PDE4D: variants seen among roughly 807,000 people sequenced by gnomAD.
PDE4D encodes the protein 3',5'-cyclic-AMP phosphodiesterase 4D.
PDE4D carries 24 observed loss-of-function variants against 87.4 expected under a neutral mutation model. The ratio of observed to expected loss-of-function variants is 0.27; its 90% CI spans 0.20 to 0.39. PDE4D has a LOEUF of 0.39. Ranked by LOEUF, PDE4D falls within the 10% of genes least tolerant of loss-of-function variation. PDE4D has a pLI of 1.00. For synonymous variants in PDE4D, 384 were observed against 383.2 expected, an observed-to-expected ratio of 1.00 and a Z score of -0.02; for missense variants, 714 against 1,041.0, an observed-to-expected ratio of 0.69 and a Z score of 4.32.
At chr5:59,135,455 T>TA (rs1776913652) in intron 5 of PDE4D, among the ~76,000 whole-genome samples, 1 of 152,232 alleles carries the variant, frequency 6.6e-6, no homozygotes, top group Non-Finnish European at 1.5e-5. Context: ...TTCTTTTTCT[T>TA]ACCACTCCAG....
intron 1 of PDE4D, among the ~76,000 whole-genome samples, chr5:60,504,703 T>C (rs1389153762): frequency 6.6e-6 from 1 of 152,234 alleles, no homozygotes; most frequent in Admixed American, 6.5e-5. Flanking sequence ...ATCTTCTTTT[T>C]AAAATGTATT....
At chr5:60,213,609 C>T (rs879671413) in intron 1 of PDE4D, among the ~76,000 whole-genome samples, 8 of 152,170 alleles carry the variant, frequency 5.3e-5, no homozygotes, top group East Asian at 1.9e-4. Flanking sequence ...TCTCTTCCCC[C>T]GTTGACAACA....
chr5:59,671,064 T>A (rs1163648818), intron 1 of PDE4D, among the ~76,000 whole-genome samples: 1 of 152,102 alleles, frequency 6.6e-6, no homozygotes, highest in African/African-American at 2.4e-5. Context: ...ATAGGTAGAG[T>A]AGAATGAGAT....
intron 1 of PDE4D, among the ~76,000 whole-genome samples, chr5:59,619,913 T>C (rs1218553901): frequency 1.3e-5 from 2 of 152,154 alleles, no homozygotes; most frequent in Non-Finnish European, 2.9e-5. Context: ...CCCATGAAAA[T>C]TTGCTTTAGC....
chr5:58,990,907 A>T lies in PDE4D; in HGVS notation c.1189-5T>A. 7.2e-7 allele frequency: 1 copy of T among 1,398,024 alleles called. No homozygotes were observed. Among genetic ancestry groups the T allele is most frequent in the South Asian group, 1.3e-5 (1 of 77,436 alleles). 86.6% of individuals were successfully genotyped at this position (1,398,024 alleles called of 1,614,324 possible). A position where few individuals can be genotyped will look rare whatever the true frequency, so the allele number is the denominator to read the frequency against. ...TTTGTTCACATCTTCTAGTTCCTGG[A>T]GTGAAAAAAAAAAAAAGATACTAAA... On this transcript the variant is annotated splice_polypyrimidine_tract_variant and splice_region_variant and intron_variant, in intron 8 of 14. Transcript: ENST00000340635.
intron 1 of PDE4D, chr5:60,460,171 C>T: frequency 1.9e-6 from 3 of 1,577,748 alleles, no homozygotes; most frequent in South Asian, 1.1e-5. Context: ...TTGACTTGAA[C>T]ATTTCATCAA....
intron 3 of PDE4D, among the ~76,000 whole-genome samples, chr5:59,944,137 T>G (rs542621084): frequency 6.6e-6 from 1 of 152,370 alleles, no homozygotes; most frequent in African/African-American, 2.4e-5. Context: ...AGTGTTAACT[T>G]AATGCCGTGG....
At chr5:59,610,178 A>G (rs896079924) in intron 1 of PDE4D, among the ~76,000 whole-genome samples, 10 of 152,194 alleles carry the variant, frequency 6.6e-5, no homozygotes, top group African/African-American at 2.4e-4. Context: ...CATCCTGGGC[A>G]GATCCATGCA....
At chr5:59,377,741 T>C (rs1784973320) in intron 1 of PDE4D, among the ~76,000 whole-genome samples, 1 of 152,158 alleles carries the variant, frequency 6.6e-6, no homozygotes, top group Admixed American at 6.5e-5. Context: ...CACTCATCAT[T>C]AGAGAAATGC....
At chr5:59,851,087 T>A (rs1037195359) in intron 1 of PDE4D, among the ~76,000 whole-genome samples, 2 of 151,968 alleles carry the variant, frequency 1.3e-5, no homozygotes, top group African/African-American at 4.8e-5. Flanking sequence ...GATCTCTCCA[T>A]CCAATGTAAA....
chr5:60,070,906 G>A (rs142602103), intron 2 of PDE4D, among the ~76,000 whole-genome samples: 101 of 151,846 alleles, frequency 6.7e-4, no homozygotes, highest in Admixed American at 1.1e-3. Context: ...ATCCAGTCTC[G>A]GTTGATTGTA....
chr5:60,093,685 C>T (rs1348314073), intron 2 of PDE4D, among the ~76,000 whole-genome samples: 1 of 152,060 alleles, frequency 6.6e-6, no homozygotes, highest in African/African-American at 2.4e-5. Flanking sequence ...ATGCCATGCT[C>T]TCTCTAGAAA....
chr5:59,960,675 C>T (rs536567683), intron 3 of PDE4D, among the ~76,000 whole-genome samples: 20 of 151,880 alleles, frequency 1.3e-4, no homozygotes, highest in Non-Finnish European at 2.6e-4. Context: ...ACATACATAA[C>T]GATGGGAACA....
intron 1 of PDE4D, among the ~76,000 whole-genome samples, chr5:59,535,563 C>T (rs887804765): frequency 6.6e-6 from 1 of 152,126 alleles, no homozygotes; most frequent in Non-Finnish European, 1.5e-5. Context: ...CCTATTTGGG[C>T]CCTGTTGTCA....
At chr5:59,604,796 C>G (rs1379983200) in intron 1 of PDE4D, among the ~76,000 whole-genome samples, 1 of 151,756 alleles carries the variant, frequency 6.6e-6, no homozygotes, top group Non-Finnish European at 1.5e-5. Flanking sequence ...AACAGTACAC[C>G]CATACACAGT....
At chr5:59,423,674 G>A (rs570540362) in intron 1 of PDE4D, among the ~76,000 whole-genome samples, 1 of 152,270 alleles carries the variant, frequency 6.6e-6, no homozygotes, top group African/African-American at 2.4e-5. Context: ...AAAATGAGGA[G>A]AGAATGGAAC....
chr5:60,474,014 A>G (rs1471711369), intron 1 of PDE4D, among the ~76,000 whole-genome samples: 1 of 146,362 alleles, frequency 6.8e-6, no homozygotes, highest in East Asian at 2.0e-4. Flanking sequence ...CCAAGTCATC[A>G]CTCAGATCCA....
chr5:60,279,041 T>C (rs1258705322), intron 1 of PDE4D, among the ~76,000 whole-genome samples: 11 of 152,234 alleles, frequency 7.2e-5, no homozygotes, highest in Admixed American at 7.2e-4. Context: ...TGGCTTTCTC[T>C]GACACTTCTC....
At chr5:60,473,364 G>T (rs559228250) in intron 1 of PDE4D, among the ~76,000 whole-genome samples, 14 of 151,974 alleles carry the variant, frequency 9.2e-5, no homozygotes, top group Middle Eastern at 3.4e-3. Context: ...AAAGTTTGGA[G>T]ATCAGACTTC....
Sources: allele counts gnomAD v4.1 joint callset (sites outside exome capture counted in the v4.1 genomes callset), GRCh38; gene constraint gnomAD v4.1.1; transcripts MANE v1.5; gene names NCBI Gene and HGNC (gene_info 2026-07-23, HGNC 2026-07-21).